CACNA1C: variants seen among roughly 807,000 people sequenced by gnomAD.
CACNA1C encodes the protein voltage-dependent L-type calcium channel subunit alpha-1C.
CACNA1C carries 30 observed loss-of-function variants against 229.0 expected under a neutral mutation model. The ratio of observed to expected loss-of-function variants is 0.13; its 90% CI spans 0.10 to 0.18. The LOEUF (loss-of-function observed/expected upper bound fraction) is 0.18. Ranked by LOEUF, CACNA1C falls within the 10% of genes least tolerant of loss-of-function variation. The pLI, the probability that CACNA1C is intolerant of heterozygous loss-of-function variation, is 1.00. For missense variants in CACNA1C, 1,658 were observed against 2,845.0 expected (o/e 0.58, Z 9.49); for synonymous variants, 1,114 against 1,132.5 (o/e 0.98, Z 0.33).
rs2094326554 is a variant in CACNA1C at position 2,646,093 on chromosome 12, A to G, written c.3913-2382A>G. ...ACATGTTACTAAAATACAAAATACTATCAAGATTATCTGAACAGATCCAAA... is the reference window on the plus strand; with the variant it reads ...ACATGTTACTAAAATACAAAATACTGTCAAGATTATCTGAACAGATCCAAA... On this transcript the variant is annotated intron_variant, in intron 30 of 46. Transcript: ENST00000399655. The surrounding 1 kb of genome is among the most constrained non-coding windows in gnomAD (Gnocchi z 4.6). 6.6e-6 allele frequency among the ~76,000 whole-genome samples: 1 copy of G among 152,206 alleles called. No homozygotes were observed. The highest frequency in any genetic ancestry group is 2.4e-5 in the African/African-American group (1 of 41,446).
Position 2,651,626 on chromosome 12 carries a change from C to T in CACNA1C, c.3946-14C>T, listed in dbSNP as rs750432449. Reference sequence around the variant, plus strand: ...GCTGTGCTAACTGCACCTCCTGTTGCCGACGGGTTCCAGAACGCAGAGGAA... The same window carrying T: ...GCTGTGCTAACTGCACCTCCTGTTGTCGACGGGTTCCAGAACGCAGAGGAA... On this transcript the variant is annotated splice_polypyrimidine_tract_variant and intron_variant, in intron 31 of 46. Coordinates refer to ENST00000399655, the MANE Select transcript of CACNA1C (RefSeq NM_000719.7). This position sits in a 1 kb window ranked among gnomAD's most constrained non-coding sequence, Gnocchi z 5.4. 1.2e-6 allele frequency: 2 copies of T among 1,613,950 alleles called. No individual in the cohort carries two copies. Among genetic ancestry groups the T allele is most frequent in the Non-Finnish European group, 1.7e-6 (2 of 1,179,866 alleles).
chr12:2,685,519 G>A (rs1044906958), intron 43 of CACNA1C, among the ~76,000 whole-genome samples: 12 of 151,960 alleles, frequency 7.9e-5, no homozygotes, highest in Non-Finnish European at 1.5e-4. Flanking sequence ...GACAGGCTGC[G>A]GGTGAGGAGC....
rs545739770 is a variant in CACNA1C at position 2,594,083 on chromosome 12, G to A, written c.2663+738G>A. Among the ~76,000 whole-genome samples, 4 of 152,310 alleles carry A rather than the reference G, an allele frequency of 2.6e-5. No individual in the cohort carries two copies. In the East Asian group the frequency reaches 7.7e-4, roughly 29 times the overall value. On this transcript the variant is annotated intron_variant, in intron 19 of 46. Transcript: ENST00000399655. ...CTGTCATTCCAACTATGGTTTCTTT[G>A]TGAGTAACCTAACGTTTATTTGTAG...
chr12:2,393,681 T>G (rs1420069162), intron 3 of CACNA1C, among the ~76,000 whole-genome samples: 1 of 152,266 alleles, frequency 6.6e-6, no homozygotes, highest in Non-Finnish European at 1.5e-5. Flanking sequence ...TAGATGCTGC[T>G]TCTCTATTCT....
chr12:2,638,368 G>A (rs896589683), intron 30 of CACNA1C, among the ~76,000 whole-genome samples: 16 of 152,114 alleles, frequency 1.1e-4, no homozygotes, highest in African/African-American at 3.4e-4. Flanking sequence ...AGGTAGCAGG[G>A]CAGGAGGAGC....
intron 1 of CACNA1C, among the ~76,000 whole-genome samples, chr12:2,062,036 C>T (rs1240682091): frequency 2.0e-5 from 3 of 152,064 alleles, no homozygotes; most frequent in African/African-American, 7.2e-5. Flanking sequence ...AAAAATAATC[C>T]CATCATCAAA....
intron 3 of CACNA1C, among the ~76,000 whole-genome samples, chr12:2,213,684 C>T (rs543006287): frequency 2.0e-5 from 3 of 152,330 alleles, no homozygotes; most frequent in South Asian, 4.1e-4. Flanking sequence ...AGAGGCTAAA[C>T]GCTAGGCTTC....
At chr12:2,563,719 G>A (rs961180469) in intron 11 of CACNA1C, among the ~76,000 whole-genome samples, 1 of 152,258 alleles carries the variant, frequency 6.6e-6, no homozygotes, top group Non-Finnish European at 1.5e-5. Flanking sequence ...TACTCCAAGA[G>A]GCAATTTTGG....
chr12:2,572,815 T>C (rs2056674375), intron 13 of CACNA1C, among the ~76,000 whole-genome samples: 1 of 94,134 alleles, frequency 1.1e-5, no homozygotes, highest in African/African-American at 4.1e-5. Flanking sequence ...CCTTCTCCTC[T>C]CCTCCTCCTC....
rs1418209476 is a variant in CACNA1C at position 2,034,311 on chromosome 12, A to G, written c.139+63110A>G. Among the ~76,000 whole-genome samples the G allele has an allele frequency of 6.6e-6, 1 of 152,076 alleles. No homozygotes were observed. ...TTTTGTAAGCCTCCCTGGTGTGTGGAAGGGAGTACACTTTCTCCGTGAGAT... is the reference window on the plus strand; with the variant it reads ...TTTTGTAAGCCTCCCTGGTGTGTGGGAGGGAGTACACTTTCTCCGTGAGAT... On this transcript the variant is annotated intron_variant, in intron 1 of 46. Transcript: ENST00000682462. The surrounding 1 kb of genome is among the most constrained non-coding windows in gnomAD (Gnocchi z 4.1).
At chr12:2,298,179 G>C (rs2094232799) in intron 3 of CACNA1C, among the ~76,000 whole-genome samples, 1 of 152,190 alleles carries the variant, frequency 6.6e-6, no homozygotes, top group Admixed American at 6.5e-5. Context: ...TCCTTCCTGG[G>C]AAGAGCACCC....
At chr12:2,317,495 G>A (rs1485538061) in intron 3 of CACNA1C, among the ~76,000 whole-genome samples, 2 of 152,152 alleles carry the variant, frequency 1.3e-5, no homozygotes, top group Non-Finnish European at 2.9e-5. Context: ...GGGCTGAAGG[G>A]AGTGGGGAAT....
intron 3 of CACNA1C, among the ~76,000 whole-genome samples, chr12:2,368,105 T>G (rs796065906): frequency 4.6e-5 from 7 of 152,300 alleles, no homozygotes; most frequent in African/African-American, 1.7e-4. Context: ...AAATGCAGCA[T>G]GCAATAAAAC....
At chr12:2,172,098 T>C (rs921345412) in intron 3 of CACNA1C, among the ~76,000 whole-genome samples, 20 of 152,184 alleles carry the variant, frequency 1.3e-4, no homozygotes, top group African/African-American at 2.2e-4. Flanking sequence ...ACCGCCTCAG[T>C]GTTGGGGTGT....
intron 3 of CACNA1C, among the ~76,000 whole-genome samples, chr12:2,374,050 C>A (rs2097949504): frequency 1.3e-5 from 2 of 152,232 alleles, no homozygotes; most frequent in South Asian, 4.1e-4. Flanking sequence ...GCCCACATCA[C>A]AACTCCGCTA....
rs561871214 is a variant in CACNA1C at position 2,359,126 on chromosome 12, C to T, written c.478-89850C>T. ...AGTGAATTTCTGCTTATGGTTTAAA[C>T]AGATACCATTGTCAGCAGGGGTCAG... On this transcript the variant is annotated intron_variant, in intron 3 of 46. Coordinates refer to ENST00000399655, the MANE Select transcript of CACNA1C (RefSeq NM_000719.7). Among the ~76,000 whole-genome samples the T allele has an allele frequency of 8.5e-5, 13 of 152,342 alleles. No individual in the cohort carries two copies. In the East Asian group the frequency reaches 2.5e-3, roughly 29 times the overall value.
chr12:2,438,367 G>GGTGGTGGTGATGGTC (rs1193039958), intron 3 of CACNA1C, among the ~76,000 whole-genome samples: 1 of 147,748 alleles, frequency 6.8e-6, no homozygotes, highest in Non-Finnish European at 1.5e-5. Context: ...TAATGATGGT[G>GGTGGTGGTGATGGTC]GTGGTGGTGA....
At chr12:2,516,131 A>G (rs1392217151) in intron 9 of CACNA1C, among the ~76,000 whole-genome samples, 4 of 152,168 alleles carry the variant, frequency 2.6e-5, no homozygotes, top group Non-Finnish European at 5.9e-5. Flanking sequence ...CGATCGAGGC[A>G]GCATTGGAAT....
rs994742965 is a variant in CACNA1C, at chr12:2,108,734, C to T, written c.50-6490C>T. Among the ~76,000 whole-genome samples, 2 of 152,208 alleles carry T rather than the reference C, an allele frequency of 1.3e-5. No homozygotes were observed. Among genetic ancestry groups the T allele is most frequent in the Admixed American group, 1.3e-4 (2 of 15,284 alleles). On this transcript the variant is annotated intron_variant, in intron 1 of 46. Coordinates refer to ENST00000399655, the MANE Select transcript of CACNA1C (RefSeq NM_000719.7). The surrounding 1 kb of genome is among the most constrained non-coding windows in gnomAD (Gnocchi z 5.3). ...AGATGACAGGGCCTCGGGTTATCGT[C>T]TGAGATCGAGAGACGGTGTCCTCTC... is the stretch of plus-strand genomic sequence containing the variant.
Sources: allele counts gnomAD v4.1 joint callset (sites outside exome capture counted in the v4.1 genomes callset), GRCh38; gene constraint gnomAD v4.1.1; non-coding constraint Gnocchi (gnomAD v3.1); transcripts MANE v1.5; gene names NCBI Gene and HGNC (gene_info 2026-07-23, HGNC 2026-07-21).